The following MYO9B variants were observed in gnomAD, a reference collection of about 807,000 sequenced individuals.
The protein encoded by MYO9B is myosin IXB.
MYO9B carries 71 observed loss-of-function variants against 229.5 expected under a neutral mutation model. The ratio of observed to expected loss-of-function variants is 0.31; its 90% confidence interval spans 0.26 to 0.38. The LOEUF is 0.38. MYO9B is among the 10% of genes least tolerant of loss of function. MYO9B has a pLI of 1.00. For missense variants in MYO9B, 2,255 were observed against 2,920.5 expected, an observed-to-expected ratio of 0.77 and a Z score of 5.25; for synonymous variants, 1,185 against 1,235.8, an observed-to-expected ratio of 0.96 and a Z score of 0.86.
intron 2 of MYO9B, among the ~76,000 whole-genome samples, chr19:17,116,912 C>G: frequency 6.6e-6 from 1 of 152,140 alleles, no homozygotes. Flanking sequence ...TAAAACAACA[C>G]AGCCCTGACG....
chr19:17,149,597 C>T (rs185982865), intron 3 of MYO9B, among the ~76,000 whole-genome samples: 117 of 152,318 alleles, frequency 7.7e-4, no homozygotes, highest in African/African-American at 2.6e-3. Flanking sequence ...ATGGCCGCAG[C>T]GATCACACAA....
intron 2 of MYO9B, among the ~76,000 whole-genome samples, chr19:17,144,969 C>CAAAAAAA (rs58527501): frequency 4.2e-4 from 35 of 83,442 alleles, no homozygotes; most frequent in Admixed American, 6.5e-4. Context: ...GACTTCATCT[C>CAAAAAAA]AAAAAAAAAA....
chr19:17,128,914 C>G (rs979992454), intron 2 of MYO9B, among the ~76,000 whole-genome samples: 1 of 152,210 alleles, frequency 6.6e-6, no homozygotes, highest in Non-Finnish European at 1.5e-5. Flanking sequence ...TCTTTAGGCT[C>G]TGTGGTGGCT....
chr19:17,107,572 G>A (rs1276990842), intron 2 of MYO9B, among the ~76,000 whole-genome samples: 1 of 152,196 alleles, frequency 6.6e-6, no homozygotes, highest in Non-Finnish European at 1.5e-5. Flanking sequence ...GGTCCTGGAG[G>A]CCAGAAGTCT....
At chr19:17,163,372 CT>C (rs3031315) in intron 10 of MYO9B, among the ~76,000 whole-genome samples, 145 of 92,380 alleles carry the variant, frequency 1.6e-3, no homozygotes, top group South Asian at 3.5e-3. Context: ...CCCCATTCCA[CT>C]TTTTTTTTTT....
chr19:17,188,677 C>A (rs2072947105), intron 19 of MYO9B, among the ~76,000 whole-genome samples: 1 of 152,068 alleles, frequency 6.6e-6, no homozygotes, highest in African/African-American at 2.4e-5. Flanking sequence ...TGTATTTTAC[C>A]AGTGCTTGGC....
intron 9 of MYO9B, 55 bp from the exon 10 acceptor site, chr19:17,162,933 C>G (rs2072620049): frequency 4.5e-6 from 7 of 1,571,204 alleles, no homozygotes; most frequent in Non-Finnish European, 6.0e-6. Flanking sequence ...CTCATGAAGG[C>G]TGGCTCCCTC....
intron 1 of MYO9B, among the ~76,000 whole-genome samples, chr19:17,091,747 G>A (rs1163654602): frequency 1.3e-5 from 2 of 152,132 alleles, no homozygotes; most frequent in Non-Finnish European, 2.9e-5. Context: ...TCCCAGGGAG[G>A]GATGTCCCTT....
At chr19:17,109,139 C>T (rs1419755741) in intron 2 of MYO9B, among the ~76,000 whole-genome samples, 3 of 151,478 alleles carry the variant, frequency 2.0e-5, no homozygotes, top group African/African-American at 7.3e-5. Flanking sequence ...GATCTCGGCT[C>T]ACTGCAAGTT....
At chr19:17,184,761 C>A in intron 16 of MYO9B, 104 bp from the exon 17 acceptor site, 1 of 1,489,282 alleles carries the variant, frequency 6.7e-7, no homozygotes, top group Non-Finnish European at 9.1e-7. Context: ...CGGGCACTCG[C>A]TGCGGGGACG....
rs1297981676 is a variant in MYO9B at position 17,195,184 on chromosome 19, A to G, written c.3757A>G (p.Ser1253Gly). The change falls in exon 22 of 40, where the codon AGC (serine) becomes GGC (glycine). Residue 1253 changes from serine to glycine, a missense_variant. By Grantham distance (56) the Ser-to-Gly change is moderately conservative. Coordinates refer to ENST00000682292, the MANE Select transcript of MYO9B (RefSeq NM_004145.4). This position sits in a 1 kb window ranked among gnomAD's most constrained non-coding sequence, Gnocchi z 4.5. ...GCCTGGCCAGTTGGAGCGGCCGACC[A>G]GCCTGGCCCTGGACAGCAGGGTCAG... ...PRPGQLERPT[S>G]LALDSRVSPP... 4.3e-6 allele frequency: 7 copies of G among 1,611,696 alleles called. No homozygotes were observed. In the Admixed American group the frequency reaches 1.2e-4, roughly 27 times the overall value.
chr19:17,170,016 T>C (rs1419818377), intron 11 of MYO9B, among the ~76,000 whole-genome samples: 2 of 151,784 alleles, frequency 1.3e-5, no homozygotes, highest in African/African-American at 2.4e-5. Flanking sequence ...CTAATTTTTG[T>C]ATTTTTAGTA....
rs569240478 is a variant in MYO9B at position 17,167,233 on chromosome 19, A to G, written c.1672-710A>G. ...TTTTTTTTTGAGATGGAGTCTTGCT[A>G]TATTGCCCGGGCTGGTCTCAAACTC... On this transcript the variant is annotated intron_variant, in intron 10 of 39. Transcript: ENST00000682292. Among the ~76,000 whole-genome samples the G allele has an allele frequency of 1.3e-3, 188 of 144,036 alleles. 2 individuals are homozygous for G. Among genetic ancestry groups the G allele is most frequent in the African/African-American group, 4.1e-3 (154 of 37,976 alleles). The allele number at this position is 144,036 out of a possible 152,430, so 94.5% of individuals were successfully genotyped here.
chr19:17,117,771 C>A (rs1386203056), intron 2 of MYO9B, among the ~76,000 whole-genome samples: 1 of 151,816 alleles, frequency 6.6e-6, no homozygotes. Context: ...AACCCCATCT[C>A]TACTAAAAAT....
At chr19:17,091,272 C>G (rs540966111) in intron 1 of MYO9B, among the ~76,000 whole-genome samples, 1 of 152,332 alleles carries the variant, frequency 6.6e-6, no homozygotes, top group Non-Finnish European at 1.5e-5. Flanking sequence ...GTGGCCCAGG[C>G]TGGAGTGCAG....
intron 2 of MYO9B, among the ~76,000 whole-genome samples, chr19:17,127,144 TG>T (rs2072131395): frequency 1.4e-5 from 2 of 145,032 alleles, no homozygotes; most frequent in East Asian, 2.0e-4. Context: ...CCCAAGTAAC[TG>T]GGACTACAGG....
Position 17,202,896 on chromosome 19 carries a change from C to T in MYO9B, c.4878+13C>T. 1 of 1,598,486 alleles carries T rather than the reference C, an allele frequency of 6.3e-7. No homozygotes were observed. Among genetic ancestry groups the T allele is most frequent in the Non-Finnish European group, 8.5e-7 (1 of 1,172,384 alleles). On this transcript the variant is annotated intron_variant, in intron 29 of 39. Transcript: ENST00000682292. ...GCAGGAGCGTGCTGTGAGTAGGCTG[C>T]ACATAGATGAGAGTCCGAGCAGGCG... is the stretch of plus-strand genomic sequence containing the variant.
At chr19:17,159,982 T>C (rs571079337) in intron 8 of MYO9B, among the ~76,000 whole-genome samples, 1 of 152,290 alleles carries the variant, frequency 6.6e-6, no homozygotes, top group Admixed American at 6.5e-5. Context: ...ACTACCCTTA[T>C]GTAACTCCCA....
intron 1 of MYO9B, among the ~76,000 whole-genome samples, chr19:17,079,441 A>G (rs1351969987): frequency 6.6e-6 from 1 of 152,102 alleles, no homozygotes; most frequent in Non-Finnish European, 1.5e-5. Context: ...TTCTGGAGGA[A>G]CTGTCCTCGT....
Sources: allele counts gnomAD v4.1 joint callset (sites outside exome capture counted in the v4.1 genomes callset), GRCh38; gene constraint gnomAD v4.1.1; non-coding constraint Gnocchi (gnomAD v3.1); transcripts MANE v1.5; gene names NCBI Gene and HGNC (gene_info 2026-07-23, HGNC 2026-07-21).